CHST12: variants seen among roughly 807,000 people sequenced by gnomAD.
The protein encoded by CHST12 is carbohydrate (chondroitin 4) sulfotransferase 12.
CHST12 carries 23 observed loss-of-function variants against 27.9 expected under a neutral mutation model. The observed-to-expected ratio is 0.82, with a 90% CI of 0.59 to 1.17. CHST12 has a LOEUF of 1.17. CHST12 is among the 50% of genes most tolerant of loss of function. CHST12 has a pLI of 0.00. For synonymous variants in CHST12, 322 were observed against 273.0 expected, an observed-to-expected ratio of 1.18 and a Z score of -1.77; for missense variants, 682 against 603.0, an observed-to-expected ratio of 1.13 and a Z score of -1.37.
chr7:2,412,200 A>T (rs1329910271), intron 1 of CHST12, among the ~76,000 whole-genome samples: 3 of 152,226 alleles, frequency 2.0e-5, no homozygotes, highest in Admixed American at 1.3e-4. Context: ...TGTCAGATAT[A>T]GTTAACTGAA....
chr7:2,446,601 G>A lies in CHST12; in HGVS notation c.*12717G>A, dbSNP rs1300036764. On this transcript the variant is annotated 3_prime_UTR_variant, in exon 2 of 2. Transcript: ENST00000618655. ...TCCTTACCTGCCATGAGAATGAGAT[G>A]TCCAGGGACCTCCCTGCTCCAGCTG... 6.5e-6 allele frequency: 1 copy of A among 152,934 alleles called. No individual in the cohort carries two copies. The highest frequency in any genetic ancestry group is 1.5e-5 in the Non-Finnish European group (1 of 68,202). The allele number at this position is 152,934 out of a possible 1,614,324, so 9.5% of individuals were successfully genotyped here.
rs141139719 is a variant in CHST12 at position 2,432,645 on chromosome 7, C to T, written c.6C>T (p.Thr2=). 5 of 1,605,888 alleles carry T rather than the reference C, an allele frequency of 3.1e-6. No homozygotes were observed. Among genetic ancestry groups the T allele is most frequent in the Non-Finnish European group, 4.3e-6 (5 of 1,173,644 alleles). M[T]KARLFRLWLV... ...CCCAGCCCGCCCGGGGCAGGATGAC[C>T]AAGGCCCGGCTGTTCCGGCTGTGGC... Residue 2 remains threonine (T), a synonymous_variant, in exon 2 of 2, where the codon ACC becomes ACT. Transcript: ENST00000618655.
chr7:2,422,083 C>T (rs565330304), intron 1 of CHST12, among the ~76,000 whole-genome samples: 1 of 152,084 alleles, frequency 6.6e-6, no homozygotes, highest in Non-Finnish European at 1.5e-5. Context: ...GTACAGAATT[C>T]GTGGACGGCG....
At chr7:2,409,426 G>A (rs183821651) in intron 1 of CHST12, among the ~76,000 whole-genome samples, 53 of 152,214 alleles carry the variant, frequency 3.5e-4, no homozygotes, top group Non-Finnish European at 5.9e-4. Flanking sequence ...ACCAGCCTGG[G>A]CAACATGGCG....
At chr7:2,432,260 C>T (rs1219688676) in intron 1 of CHST12, among the ~76,000 whole-genome samples, 3 of 149,444 alleles carry the variant, frequency 2.0e-5, no homozygotes, top group African/African-American at 4.9e-5. Flanking sequence ...GAGGCGTCCT[C>T]TTCTTGGGAG....
Position 2,444,163 on chromosome 7 carries a change from A to G in CHST12, c.*10279A>G, listed in dbSNP as rs10236758. On this transcript the variant is annotated 3_prime_UTR_variant, in exon 2 of 2. Transcript: ENST00000618655. ...GCCGGGCGTAGTGGCGGGCGCCTGT[A>G]GTCCCAGCTACTTGGGAGGCTGAGG... 1.4e-5 allele frequency: 2 copies of G among 146,104 alleles called. No homozygotes were observed. The highest frequency in any genetic ancestry group is 1.4e-4 in the Admixed American group (2 of 14,772). 9.1% of individuals were successfully genotyped at this position (146,104 alleles called of 1,614,324 possible).
At position 2,433,827 on chromosome 7, in the gene CHST12, C is replaced by T. The variant is rs781483816; in HGVS notation, c.1188C>T (p.Tyr396=). The T allele has an allele frequency of 3.1e-6, 5 of 1,612,324 alleles. No homozygotes were observed. Among genetic ancestry groups the T allele is most frequent in the East Asian group, 4.5e-5 (2 of 44,832 alleles). Residue 396 remains tyrosine (Y), a synonymous_variant, in exon 2 of 2, where the codon TAC becomes TAT. Transcript: ENST00000618655. The surrounding 1 kb of genome is among the most constrained non-coding windows in gnomAD (Gnocchi z 6.1). ...GGAGGCAGCAGCTGTATAAACTCTA[C>T]GAGGCCGACTTTGTTCTCTTCGGCT... ...LAWRQQLYKL[Y]EADFVLFGYP...
chr7:2,406,469 CA>C (rs1781527794), intron 1 of CHST12, among the ~76,000 whole-genome samples: 4 of 21,320 alleles, frequency 1.9e-4, no homozygotes, highest in Admixed American at 7.5e-4. Flanking sequence ...GGTGGGGGCA[CA>C]GTTGAGTACG....
intron 1 of CHST12, among the ~76,000 whole-genome samples, chr7:2,426,784 A>G (rs1234594299): frequency 1.3e-5 from 2 of 152,064 alleles, no homozygotes; most frequent in Non-Finnish European, 2.9e-5. Context: ...TGAGGTCAGG[A>G]GTTCAAGACC....
At chr7:2,404,815 G>C (rs1781480257) in intron 1 of CHST12, among the ~76,000 whole-genome samples, 1 of 152,276 alleles carries the variant, frequency 6.6e-6, no homozygotes, top group Non-Finnish European at 1.5e-5. Context: ...GGGGCCAGCA[G>C]TAACTGTCTG....
In CHST12 at chr7:2,433,089, C is replaced by T. The variant is rs1782340288; in HGVS notation, c.450C>T (p.Pro150=). 1.2e-6 allele frequency: 2 copies of T among 1,612,502 alleles called. No individual in the cohort carries two copies. Among genetic ancestry groups the T allele is most frequent in the Non-Finnish European group, 8.5e-7 (1 of 1,179,696 alleles). The change falls in exon 2 of 2, where the codon CCC becomes CCT. Residue 150 remains proline, a synonymous_variant. Coordinates refer to ENST00000618655, the MANE Select transcript of CHST12 (RefSeq NM_018641.5). The surrounding 1 kb of genome is among the most constrained non-coding windows in gnomAD (Gnocchi z 6.1). ...AGGAGCGCGCATTCGACGACATCCC[C>T]AACTCGGAGCTGAGCCACCTGATCG... is the stretch of plus-strand genomic sequence containing the variant. ...PTKERAFDDI[P]NSELSHLIVD...
intron 1 of CHST12, among the ~76,000 whole-genome samples, chr7:2,426,848 G>A (rs371163116): frequency 1.3e-5 from 2 of 151,876 alleles, no homozygotes; most frequent in Non-Finnish European, 1.5e-5. Context: ...AAAATTAGCC[G>A]GGTGTCAGGG....
intron 1 of CHST12, among the ~76,000 whole-genome samples, chr7:2,409,831 T>C (rs1227717986): frequency 6.6e-6 from 1 of 152,236 alleles, no homozygotes; most frequent in Non-Finnish European, 1.5e-5. Context: ...CGCCTGCCTC[T>C]GTGCACAGGC....
At chr7:2,427,813 C>T (rs1205885821) in intron 1 of CHST12, among the ~76,000 whole-genome samples, 3 of 151,948 alleles carry the variant, frequency 2.0e-5, no homozygotes, top group Non-Finnish European at 2.9e-5. Flanking sequence ...TGCCGTGACT[C>T]CTTTTTGTTT....
At position 2,433,321 on chromosome 7, in the gene CHST12, C is replaced by G. The variant is rs1160163839; in HGVS notation, c.682C>G (p.Arg228Gly). The stretch of plus-strand genomic sequence containing the variant: ...CTGGCGCCGCTACGGGAAGCTCTCC[C>G]GCCACCTCATGAAGGTCAAGCTCAA... ...KFWRRYGKLS[R>G]HLMKVKLKKY... The change falls in exon 2 of 2, where the codon CGC becomes GGC. Residue 228 changes from arginine (R) to glycine (G), a missense_variant. Physicochemically the swap from Arg to Gly is moderately radical, Grantham distance 125. Transcript: ENST00000618655. This position sits in a 1 kb window ranked among gnomAD's most constrained non-coding sequence, Gnocchi z 6.1. The G allele has an allele frequency of 1.2e-6, 2 of 1,612,790 alleles. No individual in the cohort carries two copies. Among genetic ancestry groups the G allele is most frequent in the Non-Finnish European group, 1.7e-6 (2 of 1,179,766 alleles).
At chr7:2,427,590 G>A (rs766490676) in intron 1 of CHST12, among the ~76,000 whole-genome samples, 22 of 151,992 alleles carry the variant, frequency 1.4e-4, no homozygotes, top group Non-Finnish European at 2.8e-4. Context: ...CCCCTACAGA[G>A]ATGATAGAAA....
chr7:2,433,423 G>A lies in CHST12; in HGVS notation c.784G>A (p.Glu262Lys). 1 of 1,609,538 alleles carries A rather than the reference G, an allele frequency of 6.2e-7. No homozygotes were observed. The highest frequency in any genetic ancestry group is 8.5e-7 in the Non-Finnish European group (1 of 1,179,922). ...ISAFRSKFEL[E>K]NEEFYRKFAV... ...CGCCTTCCGCAGCAAGTTCGAGCTG[G>A]AGAACGAGGAGTTCTACCGCAAGTT... is the stretch of plus-strand genomic sequence containing the variant. The change falls in exon 2 of 2, where the codon GAG (glutamate) becomes AAG (lysine). Residue 262 changes from glutamate to lysine, a missense_variant. Physicochemically the swap from Glu to Lys is moderately conservative, Grantham distance 56. Coordinates refer to ENST00000618655, the MANE Select transcript of CHST12 (RefSeq NM_018641.5). This position sits in a 1 kb window ranked among gnomAD's most constrained non-coding sequence, Gnocchi z 6.1.
chr7:2,424,359 A>G (rs551125725), intron 1 of CHST12, among the ~76,000 whole-genome samples: 148 of 152,322 alleles, frequency 9.7e-4, no homozygotes, highest in Middle Eastern at 6.8e-3. Flanking sequence ...AAGAACATGA[A>G]TTAAGAATCC....
At chr7:2,425,686 A>C (rs1228956972) in intron 1 of CHST12, among the ~76,000 whole-genome samples, 1 of 137,438 alleles carries the variant, frequency 7.3e-6, no homozygotes, top group African/African-American at 2.9e-5. Context: ...ATAGCACTGC[A>C]TTTGCTTTTT....
Sources: gnomAD v4.1 joint callset for allele counts (sites outside exome capture counted in the v4.1 genomes callset) on GRCh38, gnomAD v4.1.1 for gene constraint, Gnocchi (gnomAD v3.1) non-coding constraint, MANE v1.5 for transcripts, NCBI Gene and HGNC (gene_info 2026-07-23, HGNC 2026-07-21) for gene names.